The following SDK1 variants were observed in gnomAD, a reference collection of about 807,000 sequenced individuals.
The protein encoded by SDK1 is protein sidekick-1.
A neutral mutation model predicts 245.5 loss-of-function variants in SDK1; 157 were observed. The observed-to-expected ratio is 0.64, with a 90% confidence interval of 0.56 to 0.73. SDK1 has a LOEUF of 0.73. Among genes scored for constraint, SDK1 ranks in the 30% least tolerant of loss-of-function variants. The pLI, the probability that SDK1 is intolerant of heterozygous loss-of-function variation, is 0.00. For missense variants in SDK1, 3,583 were observed against 3,002.3 expected (o/e 1.19, Z -4.52); for synonymous variants, 1,647 against 1,278.5 (o/e 1.29, Z -6.15).
intron 4 of SDK1, among the ~76,000 whole-genome samples, chr7:3,648,321 C>A (rs1782912417): frequency 6.6e-6 from 1 of 152,182 alleles, no homozygotes; most frequent in Non-Finnish European, 1.5e-5. Context: ...TGCTTAATTG[C>A]AGGTTCTTGT....
intron 1 of SDK1, among the ~76,000 whole-genome samples, chr7:3,507,291 C>G (rs900794727): frequency 6.6e-6 from 1 of 151,816 alleles, no homozygotes; most frequent in Non-Finnish European, 1.5e-5. Flanking sequence ...CAGACAAAAA[C>G]CAAGGGGACC....
In SDK1 at chr7:3,418,145, G is replaced by GCAAAAAAAAAAAAAAAA. The variant is rs1292199670; in HGVS notation, c.298+116261_298+116262insCAAAAAAAAAAAAAAAA. Among the ~76,000 whole-genome samples, 81 of 119,720 alleles carry GCAAAAAAAAAAAAAAAA rather than the reference G, an allele frequency of 6.8e-4. 8 individuals are homozygous for GCAAAAAAAAAAAAAAAA. The highest frequency in any genetic ancestry group is 2.8e-3 in the African/African-American group (72 of 25,778). The allele number at this position is 119,720 out of a possible 152,430, so 78.5% of individuals were successfully genotyped here. On this transcript the variant is annotated intron_variant, in intron 1 of 44. Coordinates refer to ENST00000404826, the MANE Select transcript of SDK1 (RefSeq NM_152744.4). ...GTGAAACCCGATCTCTACTAAAAAT[G>GCAAAAAAAAAAAAAAAA]AAAAAAAAAAAAAAAAAAAAAAATA...
intron 14 of SDK1, among the ~76,000 whole-genome samples, chr7:3,993,238 G>C (rs1234197101): frequency 6.6e-6 from 1 of 152,192 alleles, no homozygotes; most frequent in Non-Finnish European, 1.5e-5. Context: ...GGCCATCCTA[G>C]TTCTCAAACT....
rs1779898212 is a variant in SDK1, at chr7:3,565,850, T to G, written c.299-53230T>G. Among the ~76,000 whole-genome samples, 3 of 152,164 alleles carry G rather than the reference T, an allele frequency of 2.0e-5. No individual in the cohort carries two copies. In the South Asian group the frequency reaches 6.2e-4, roughly 32 times the overall value. On this transcript the variant is annotated intron_variant, in intron 1 of 44. Transcript: ENST00000404826. ...TGTACATATTCAGTACAAATGCAAT[T>G]TTTTCCGAATATTTTCCATCCACAG...
intron 1 of SDK1, among the ~76,000 whole-genome samples, chr7:3,416,483 G>T (rs1263064447): frequency 2.1e-5 from 3 of 145,928 alleles, no homozygotes; most frequent in African/African-American, 5.1e-5. Flanking sequence ...TTTTTTTTGC[G>T]GGGGAAACAA....
At chr7:3,913,595 G>A (rs13437648) in intron 5 of SDK1, among the ~76,000 whole-genome samples, 1 of 151,786 alleles carries the variant, frequency 6.6e-6, no homozygotes, top group South Asian at 2.1e-4. Flanking sequence ...GCCCGGCCCT[G>A]TTACACTTAT....
chr7:3,775,564 T>TG (rs1562434352), intron 4 of SDK1, among the ~76,000 whole-genome samples: 1 of 145,100 alleles, frequency 6.9e-6, no homozygotes, highest in African/African-American at 2.8e-5. Context: ...TATTAGTACC[T>TG]CTTTTTTTTT....
At chr7:4,230,152 TGGAA>T (rs1301923385) in intron 40 of SDK1, among the ~76,000 whole-genome samples, 3 of 87,066 alleles carry the variant, frequency 3.4e-5, no homozygotes, top group East Asian at 4.1e-4. Context: ...GATAGATGAA[TGGAA>T]GGAAGGAAGG....
intron 1 of SDK1, among the ~76,000 whole-genome samples, chr7:3,524,530 G>A (rs567173943): frequency 6.6e-6 from 1 of 152,126 alleles, no homozygotes; most frequent in South Asian, 2.1e-4. Context: ...GTTATGGAGT[G>A]TGTGTGTGTA....
chr7:3,930,280 G>A (rs753472133), intron 5 of SDK1, among the ~76,000 whole-genome samples: 12 of 152,120 alleles, frequency 7.9e-5, no homozygotes, highest in Non-Finnish European at 1.6e-4. Context: ...CCTTTTCTTC[G>A]AATAACTCAG....
At chr7:3,625,768 G>T (rs555859891) in intron 2 of SDK1, among the ~76,000 whole-genome samples, 1 of 152,120 alleles carries the variant, frequency 6.6e-6, no homozygotes, top group African/African-American at 2.4e-5. Flanking sequence ...CCTGCTGGCT[G>T]TGGTGCCAGA....
intron 1 of SDK1, among the ~76,000 whole-genome samples, chr7:3,415,148 A>G (rs1445412823): frequency 6.6e-5 from 10 of 152,178 alleles, no homozygotes; most frequent in African/African-American, 2.4e-4. Flanking sequence ...ATCCAACTTT[A>G]TATCATTTAT....
chr7:4,158,894 G>A (rs2128211511), intron 31 of SDK1, among the ~76,000 whole-genome samples: 1 of 152,324 alleles, frequency 6.6e-6, no homozygotes, highest in Non-Finnish European at 1.5e-5. Flanking sequence ...TCATTCACGA[G>A]CCACTCTTTG....
At chr7:4,261,121 C>T (rs557753319) in intron 44 of SDK1, among the ~76,000 whole-genome samples, 1 of 152,280 alleles carries the variant, frequency 6.6e-6, no homozygotes, top group East Asian at 1.9e-4. Flanking sequence ...TGGCTCCCTG[C>T]TACGCCTCCA....
chr7:3,950,716 T>C (rs1258919780), intron 5 of SDK1, among the ~76,000 whole-genome samples: 2 of 152,176 alleles, frequency 1.3e-5, no homozygotes, highest in Admixed American at 6.5e-5. Context: ...AGGACTGGAC[T>C]GAATGTGTAT....
intron 7 of SDK1, among the ~76,000 whole-genome samples, chr7:3,956,517 C>T (rs1282292346): frequency 6.6e-6 from 1 of 152,188 alleles, no homozygotes; most frequent in Non-Finnish European, 1.5e-5. Context: ...CACCTGCTCC[C>T]CAGGCACAGC....
At chr7:3,569,006 G>GTTTTTTTT (rs5881992) in intron 1 of SDK1, among the ~76,000 whole-genome samples, 1 of 143,580 alleles carries the variant, frequency 7.0e-6, no homozygotes, top group Non-Finnish European at 1.5e-5. Context: ...TGTGGCATAT[G>GTTTTTTTT]TTTTTTTTTT....
intron 28 of SDK1, among the ~76,000 whole-genome samples, chr7:4,138,608 A>G (rs1025220925): frequency 1.3e-5 from 2 of 151,972 alleles, no homozygotes; most frequent in African/African-American, 4.8e-5. Flanking sequence ...TTAGCTGGGC[A>G]TGTTGGCACA....
intron 22 of SDK1, among the ~76,000 whole-genome samples, chr7:4,100,092 G>A (rs552840479): frequency 2.8e-4 from 43 of 152,322 alleles, no homozygotes; most frequent in Non-Finnish European, 4.1e-4. Flanking sequence ...CCTGGGCAAC[G>A]GAGCAGAAGT....
Sources: gnomAD v4.1 joint callset for allele counts (sites outside exome capture counted in the v4.1 genomes callset) on GRCh38, gnomAD v4.1.1 for gene constraint, MANE v1.5 for transcripts, NCBI Gene and HGNC (gene_info 2026-07-23, HGNC 2026-07-21) for gene names.